WDR27: variants seen among roughly 807,000 people sequenced by gnomAD.
The protein encoded by WDR27 is WD repeat-containing protein 27.
Under a neutral mutation model 114.4 loss-of-function variants are expected in WDR27, and 100 were observed. The ratio of observed to expected loss-of-function variants is 0.87; its 90% confidence interval spans 0.74 to 1.03. WDR27 has a LOEUF of 1.03. Among genes scored for constraint, WDR27 ranks in the 50% least tolerant of loss-of-function variants. The pLI is 0.00. For missense variants in WDR27, 1,129 were observed against 1,092.9 expected (o/e 1.03, Z -0.47); for synonymous variants, 449 against 423.1 (o/e 1.06, Z -0.75).
At chr6:169,434,185 T>C in the WDR27 span, among the ~76,000 whole-genome samples, 12 of 152,248 alleles carry the variant, frequency 7.9e-5, no homozygotes, top group Non-Finnish European at 1.8e-4. Flanking sequence ...TCGATGGTAT[T>C]GCCTAGGTTT....
At chr6:169,481,442 C>T (rs549865823) in intron 25 of WDR27, among the ~76,000 whole-genome samples, 1 of 152,220 alleles carries the variant, frequency 6.6e-6, no homozygotes, top group Admixed American at 6.5e-5. Flanking sequence ...ACAGCAGCAA[C>T]CTGCTCGGGT....
At chr6:169,565,829 T>G (rs1256787115) in intron 25 of WDR27, among the ~76,000 whole-genome samples, 1 of 152,226 alleles carries the variant, frequency 6.6e-6, no homozygotes, top group Non-Finnish European at 1.5e-5. Flanking sequence ...TTTTTCATTT[T>G]TGTAGAAATC....
At chr6:169,671,831 T>C (rs1183932003) in intron 3 of WDR27, 1 of 154,884 alleles carries the variant, frequency 6.5e-6, no homozygotes, top group African/African-American at 2.4e-5. Context: ...AGCTGTGACT[T>C]CCACAGGATT....
intron 23 of WDR27, among the ~76,000 whole-genome samples, chr6:169,601,652 A>G (rs1808010857): frequency 6.6e-6 from 1 of 152,202 alleles, no homozygotes; most frequent in Non-Finnish European, 1.5e-5. Flanking sequence ...CTTGGGGCGA[A>G]TGGGAAAAGG....
chr6:169,654,699 G>C (rs1467701965), intron 13 of WDR27, among the ~76,000 whole-genome samples: 1 of 148,962 alleles, frequency 6.7e-6, no homozygotes, highest in Non-Finnish European at 1.5e-5. Context: ...GGCGAGCTGA[G>C]GAGGAGGCGC....
rs9478094 is a variant in WDR27, at chr6:169,694,970, G to C, written c.-7-5958C>G. ...AAATGATGCCAAGAAGTCAGGCCTG[G>C]GACAGAGACCTCTCCACTGAGTCCC... is the stretch of plus-strand genomic sequence containing the variant. On this transcript the variant is annotated intron_variant, in intron 1 of 25. Transcript: ENST00000448612. Among the ~76,000 whole-genome samples the C allele has an allele frequency of 3.0e-3, 458 of 152,316 alleles. 3 individuals are homozygous for C. Among genetic ancestry groups the C allele is most frequent in the African/African-American group, 0.01 (419 of 41,572 alleles).
chr6:169,603,045 T>G (rs1808349079), intron 22 of WDR27, among the ~76,000 whole-genome samples: 1 of 152,102 alleles, frequency 6.6e-6, no homozygotes, highest in Non-Finnish European at 1.5e-5. Flanking sequence ...TTTCACCATG[T>G]TGGCCAAGCT....
intron 1 of WDR27, among the ~76,000 whole-genome samples, chr6:169,691,495 A>G (rs1036159376): frequency 6.6e-6 from 1 of 152,214 alleles, no homozygotes; most frequent in Non-Finnish European, 1.5e-5. Context: ...CTAAGGGAAC[A>G]ATACGAACCT....
intron 23 of WDR27, 46 bp downstream of exon 23, chr6:169,602,173 C>G (rs1032307588): frequency 4.3e-6 from 6 of 1,403,818 alleles, no homozygotes; most frequent in Non-Finnish European, 5.8e-6. Context: ...TACACATTAC[C>G]AAAGTCTAGA....
intron 25 of WDR27, among the ~76,000 whole-genome samples, chr6:169,562,279 C>T (rs1799780936): frequency 6.6e-6 from 1 of 152,156 alleles, no homozygotes; most frequent in Admixed American, 6.5e-5. Context: ...AAAAGCAATC[C>T]ATTCAAGCCA....
chr6:169,640,197 G>A (rs575570320), intron 17 of WDR27, among the ~76,000 whole-genome samples: 44 of 152,242 alleles, frequency 2.9e-4, no homozygotes, highest in African/African-American at 8.2e-4. Context: ...TGCCATAGCC[G>A]GGATCTCCCC....
chr6:169,602,302 C>T lies in WDR27; in HGVS notation c.2341G>A (p.Gly781Arg), dbSNP rs560312333. 9 of 1,556,150 alleles carry T rather than the reference C, an allele frequency of 5.8e-6. No homozygotes were observed. The highest frequency in any genetic ancestry group is 4.8e-5 in the South Asian group (4 of 84,116). The change falls in exon 23 of 26, where the codon GGG becomes AGG. Residue 781 changes from glycine to arginine, a missense_variant. By Grantham distance (125) the Gly-to-Arg change is moderately radical. Coordinates refer to ENST00000448612, the MANE Select transcript of WDR27 (RefSeq NM_182552.5). Reference protein sequence around the residue: ...RTLRCERHFEGHPTRGYPCGI... With the variant: ...RTLRCERHFERHPTRGYPCGI... ...CATGGATAGCCGCGGGTTGGATGCC[C>T]TTCAAAGTGGCGCTCACACCTACAG...
At chr6:169,593,094 A>T (rs753925057) in intron 23 of WDR27, among the ~76,000 whole-genome samples, 4 of 152,142 alleles carry the variant, frequency 2.6e-5, no homozygotes, top group Non-Finnish European at 5.9e-5. Flanking sequence ...ATGAAATATA[A>T]CTCCTTTCTG....
At chr6:169,696,220 A>G (rs1034083664) in intron 1 of WDR27, among the ~76,000 whole-genome samples, 7 of 152,222 alleles carry the variant, frequency 4.6e-5, no homozygotes, top group African/African-American at 1.7e-4. Context: ...TCCTATCGGG[A>G]CTGAACCCTG....
At chr6:169,459,404 A>G (rs564055983) in intron 25 of WDR27, among the ~76,000 whole-genome samples, 1 of 152,270 alleles carries the variant, frequency 6.6e-6, no homozygotes, top group African/African-American at 2.4e-5. Context: ...AAAGAAAAAA[A>G]GCACTGAAAA....
chr6:169,456,513 T>G (rs560490747), downstream of WDR27, among the ~76,000 whole-genome samples: 1 of 152,312 alleles, frequency 6.6e-6, no homozygotes, highest in African/African-American at 2.4e-5. This position sits in a 1 kb window ranked among gnomAD's most constrained non-coding sequence, Gnocchi z 4.0. Context: ...ATCTGGAATC[T>G]TGAATTGCCT....
chr6:169,506,612 A>G (rs1792028120), intron 25 of WDR27, among the ~76,000 whole-genome samples: 1 of 152,250 alleles, frequency 6.6e-6, no homozygotes, highest in Admixed American at 6.5e-5. Flanking sequence ...ACAGAAGCAC[A>G]TGAGTAGGGT....
At chr6:169,658,506 T>C (rs1824965250) in intron 12 of WDR27, 148 bp from the exon 13 acceptor site, 1 of 630,984 alleles carries the variant, frequency 1.6e-6, no homozygotes, top group East Asian at 2.8e-5. Flanking sequence ...AACTGTCAAG[T>C]GTATTCTTAT....
chr6:169,475,160 A>G (rs1786969851), intron 25 of WDR27, among the ~76,000 whole-genome samples: 1 of 152,190 alleles, frequency 6.6e-6, no homozygotes, highest in Non-Finnish European at 1.5e-5. Flanking sequence ...AGTTTTATTT[A>G]AAAAGTTTTT....
Sources: gnomAD v4.1 joint callset for allele counts (sites outside exome capture counted in the v4.1 genomes callset) on GRCh38, gnomAD v4.1.1 for gene constraint, Gnocchi (gnomAD v3.1) non-coding constraint, MANE v1.5 for transcripts, NCBI Gene and HGNC (gene_info 2026-07-23, HGNC 2026-07-21) for gene names.